SUCO: variants seen among roughly 807,000 people sequenced by gnomAD.
SUCO encodes SUN domain-containing ossification factor.
A neutral mutation model predicts 148.1 loss-of-function variants in SUCO; 57 were observed. The observed-to-expected ratio is 0.38, with a 90% CI of 0.31 to 0.48. The LOEUF (loss-of-function observed/expected upper bound fraction) is 0.48. Among genes scored for constraint, SUCO ranks in the 20% least tolerant of loss-of-function variants. The pLI, the probability that SUCO is intolerant of heterozygous loss-of-function variation, is 0.96. For missense variants in SUCO, 1,331 were observed against 1,468.2 expected (o/e 0.91, Z 1.53); for synonymous variants, 470 against 502.7 (o/e 0.93, Z 0.87).
intron 1 of SUCO, among the ~76,000 whole-genome samples, chr1:172,541,720 A>T (rs998064849): frequency 6.6e-5 from 10 of 152,204 alleles, no homozygotes; most frequent in Non-Finnish European, 2.9e-5. Context: ...GTCCATCTCA[A>T]TGCAAAGAGA....
chr1:172,545,902 G>A (rs1039358660), intron 1 of SUCO, among the ~76,000 whole-genome samples: 6 of 152,026 alleles, frequency 3.9e-5, no homozygotes, highest in Non-Finnish European at 5.9e-5. Flanking sequence ...CTGTCCGTCC[G>A]TCCGTCCTTC....
chr1:172,570,819 T>C, intron 9 of SUCO, 89 bp downstream of exon 9: 1 of 796,582 alleles, frequency 1.3e-6, no homozygotes, highest in South Asian at 1.7e-5. Flanking sequence ...TGACATATAA[T>C]AATTTAATAA....
chr1:172,583,666 A>G (rs1656037153), intron 15 of SUCO, among the ~76,000 whole-genome samples: 1 of 152,142 alleles, frequency 6.6e-6, no homozygotes, highest in Non-Finnish European at 1.5e-5. Context: ...AGGAAGGGAG[A>G]TTAAGACAGA....
rs186479761 is a variant in SUCO at position 172,595,582 on chromosome 1, T to C, written c.2914-4482T>C. ...AAGTTCTGGGTTGAAAATTCCTTTC[T>C]TTAAGAATGTTGAATATTGGCCCCC... On this transcript the variant is annotated intron_variant, in intron 19 of 23. Transcript: ENST00000263688. Among the ~76,000 whole-genome samples the C allele has an allele frequency of 3.3e-5, 5 of 152,328 alleles. No individual in the cohort carries two copies. In the East Asian group the frequency reaches 9.6e-4, roughly 29 times the overall value.
rs528586817 is a variant in SUCO, at chr1:172,555,862, T to A, written c.289-7T>A. ...ATTTAATTTAGCTGACTTGTTTTTTTAAACAGAATACAGAGTCAAAAAAGT... is the reference window on the plus strand; with the variant it reads ...ATTTAATTTAGCTGACTTGTTTTTTAAAACAGAATACAGAGTCAAAAAAGT... On this transcript the variant is annotated splice_region_variant and splice_polypyrimidine_tract_variant and intron_variant, in intron 3 of 23. Coordinates refer to ENST00000263688, the MANE Select transcript of SUCO (RefSeq NM_014283.5). 1.3e-5 allele frequency: 20 copies of A among 1,583,448 alleles called. No individual in the cohort carries two copies. The South Asian group carries it at 2.4e-4, about 19-fold the overall frequency.
At chr1:172,548,674 C>T (rs777089054) in intron 1 of SUCO, among the ~76,000 whole-genome samples, 3 of 151,914 alleles carry the variant, frequency 2.0e-5, no homozygotes, top group Non-Finnish European at 2.9e-5. Context: ...ATATTGTTAG[C>T]TGTCTTTCTG....
rs770593899 is a variant in SUCO, at chr1:172,533,252, G to C, written c.-184G>C. The stretch of plus-strand genomic sequence containing the variant: ...GTGAAGCGCCCCTGTCCGCGCCTCT[G>C]TGGGGCCCTCAGAGAGGGCTGCCAG... On this transcript the variant is annotated 5_prime_UTR_variant, in exon 1 of 24. Coordinates refer to ENST00000263688, the MANE Select transcript of SUCO (RefSeq NM_014283.5). 39 of 1,548,554 alleles carry C rather than the reference G, an allele frequency of 2.5e-5. No homozygotes were observed. The South Asian group carries it at 3.3e-4, about 13-fold the overall frequency.
intron 3 of SUCO, among the ~76,000 whole-genome samples, chr1:172,554,414 G>A (rs1004310605): frequency 6.6e-6 from 1 of 152,184 alleles, no homozygotes; most frequent in African/African-American, 2.4e-5. Context: ...TTAAGCACTT[G>A]AAATGCGGCT....
At chr1:172,561,110 C>T (rs144658270) in intron 6 of SUCO, among the ~76,000 whole-genome samples, 144 of 152,366 alleles carry the variant, frequency 9.5e-4, no homozygotes, top group African/African-American at 3.1e-3. Context: ...TCCCATTTAC[C>T]TCACTGCAGC....
intron 6 of SUCO, among the ~76,000 whole-genome samples, chr1:172,558,097 TAGAA>T (rs1178013027): frequency 2.0e-5 from 3 of 152,324 alleles, no homozygotes; most frequent in South Asian, 2.1e-4. Flanking sequence ...ATCATCTTCT[TAGAA>T]AGCTATCTAG....
At chr1:172,543,058 A>AT (rs1553269288) in intron 1 of SUCO, 2 of 969,310 alleles carry the variant, frequency 2.1e-6, no homozygotes, top group Non-Finnish European at 2.5e-6. Context: ...AAAAGTTAAC[A>AT]TGTAGAGTAG....
In SUCO at chr1:172,600,696, A is replaced by ATGTGTG. The variant is rs61681764; in HGVS notation, c.3018+558_3018+563dup. 1.5e-4 allele frequency among the ~76,000 whole-genome samples: 23 copies of ATGTGTG among 149,070 alleles called. No homozygotes were observed. In the East Asian group the frequency reaches 2.0e-3, roughly 13 times the overall value. ...TGATACGTACTATGAAGAAAATTAA[A>ATGTGTG]TGTGTGTGTGTGTGTGTGTGTGTGT... is the stretch of plus-strand genomic sequence containing the variant. On this transcript the variant is annotated intron_variant, in intron 20 of 23. Coordinates refer to ENST00000263688, the MANE Select transcript of SUCO (RefSeq NM_014283.5).
intron 1 of SUCO, chr1:172,542,930 G>A (rs974957588): frequency 9.1e-6 from 9 of 985,226 alleles, no homozygotes; most frequent in Non-Finnish European, 1.1e-5. Flanking sequence ...TCAAAAGAGG[G>A]AAGTGATTGA....
intron 6 of SUCO, among the ~76,000 whole-genome samples, chr1:172,561,762 C>T (rs1381704389): frequency 6.6e-6 from 1 of 152,174 alleles, no homozygotes; most frequent in South Asian, 2.1e-4. Context: ...CTACAAGTCC[C>T]CTGACTCCAA....
intron 4 of SUCO, 23 bp from the exon 5 acceptor site, chr1:172,557,255 TTA>T: frequency 6.2e-7 from 1 of 1,607,396 alleles, no homozygotes; most frequent in Non-Finnish European, 8.5e-7. Context: ...AATTACCAGA[TTA>T]TGTTTCTTGT....
At chr1:172,532,582 C>T (rs1651665314), upstream of SUCO, 2 of 1,613,864 alleles carry the variant, frequency 1.2e-6, no homozygotes, top group African/African-American at 2.7e-5. Context: ...TCACAACACA[C>T]ACGTCATTCT....
chr1:172,590,938 A>G, intron 18 of SUCO, 46 bp from the exon 19 acceptor site: 1 of 1,349,598 alleles, frequency 7.4e-7, no homozygotes, highest in South Asian at 1.2e-5. Context: ...ACTAAGTGGA[A>G]TAAGTAAGAA....
chr1:172,556,924 A>G, intron 4 of SUCO: 1 of 975,026 alleles, frequency 1.0e-6, no homozygotes, highest in Non-Finnish European at 1.2e-6. Flanking sequence ...AACACCTTAA[A>G]ATTTTAGTGA....
rs1447052764 is a variant in SUCO at position 172,533,168 on chromosome 1, C to T, written c.-268C>T. The T allele has an allele frequency of 2.0e-6, 3 of 1,474,816 alleles. No individual in the cohort carries two copies. In the South Asian group the frequency reaches 4.0e-5, roughly 20 times the overall value. 91.4% of individuals were successfully genotyped at this position (1,474,816 alleles called of 1,614,324 possible). A position where few individuals can be genotyped will look rare whatever the true frequency, so the allele number is the denominator to read the frequency against. On this transcript the variant is annotated 5_prime_UTR_variant, in exon 1 of 24. Transcript: ENST00000263688. The stretch of plus-strand genomic sequence containing the variant: ...GGAGGATATGGGGCGGCAGTGGCGG[C>T]TGCAGGAGGCGGGCGTGGACGAGCC...
Sources: allele counts gnomAD v4.1 joint callset (sites outside exome capture counted in the v4.1 genomes callset), GRCh38; gene constraint gnomAD v4.1.1; transcripts MANE v1.5; gene names NCBI Gene and HGNC (gene_info 2026-07-23, HGNC 2026-07-21).